The following MRGPRE variants were observed in gnomAD, a reference collection of about 807,000 sequenced individuals.
MRGPRE encodes the protein mas-related G protein-coupled receptor member E.
For missense variants in MRGPRE, 466 were observed against 433.4 expected (o/e 1.08, Z -0.67); for synonymous variants, 229 against 206.7 (o/e 1.11, Z -0.92).
chr11:3,231,205 C>T lies in MRGPRE; in HGVS notation c.-62+936G>A, dbSNP rs1035116092. On this transcript the variant is annotated intron_variant, in intron 1 of 1. Coordinates refer to ENST00000389832, the MANE Select transcript of MRGPRE (RefSeq NM_001039165.4). The surrounding 1 kb of genome is among the most constrained non-coding windows in gnomAD (Gnocchi z 4.7). ...ACCTCCTGCATGGCTGAGGAGGACA[C>T]GGGCCTCATGGGTGGGCCCCAGGGA... 3.3e-5 allele frequency among the ~76,000 whole-genome samples: 5 copies of T among 152,158 alleles called. No homozygotes were observed. The highest frequency in any genetic ancestry group is 1.9e-4 in the East Asian group (1 of 5,142).
rs1439046067 is a variant in MRGPRE at position 3,225,315 on chromosome 11, C to T, written c.*2546G>A. Among the ~76,000 whole-genome samples, 1 of 152,234 alleles carries T rather than the reference C, an allele frequency of 6.6e-6. No homozygotes were observed. The highest frequency in any genetic ancestry group is 1.5e-5 in the Non-Finnish European group (1 of 68,034). On this transcript the variant is annotated 3_prime_UTR_variant, in exon 2 of 2. Coordinates refer to ENST00000389832, the MANE Select transcript of MRGPRE (RefSeq NM_001039165.4). ...CTGCCCCCAGGAGTAGCCGCCTGTTCTTGGGAATTCTGTGCTGACCGCGGC... is the reference window on the plus strand; with the variant it reads ...CTGCCCCCAGGAGTAGCCGCCTGTTTTTGGGAATTCTGTGCTGACCGCGGC...
chr11:3,228,854 G>T lies in MRGPRE; in HGVS notation c.-55C>A. ...GTGTGTTCTGCTCGCTCTCTCTCCT[G>T]ATGCCCCTGTAAACCACAACAGTTG... On this transcript the variant is annotated 5_prime_UTR_variant, in exon 2 of 2. Transcript: ENST00000389832. 7.1e-7 allele frequency: 1 copy of T among 1,418,278 alleles called. No homozygotes were observed. The highest frequency in any genetic ancestry group is 9.6e-7 in the Non-Finnish European group (1 of 1,039,842). The allele number at this position is 1,418,278 out of a possible 1,614,324, so 87.9% of individuals were successfully genotyped here.
chr11:3,227,240 T>C lies in MRGPRE; in HGVS notation c.*621A>G, dbSNP rs2134628626. On this transcript the variant is annotated 3_prime_UTR_variant, in exon 2 of 2. Coordinates refer to ENST00000389832, the MANE Select transcript of MRGPRE (RefSeq NM_001039165.4). ...GGGACACCCATGGGGCCGGCTTTTC[T>C]GAAGCTCCGAGTGAGGGTTGCATCG... 6.6e-6 allele frequency among the ~76,000 whole-genome samples: 1 copy of C among 152,280 alleles called. No homozygotes were observed. Among genetic ancestry groups the C allele is most frequent in the South Asian group, 2.1e-4 (1 of 4,820 alleles).
chr11:3,232,307 A>C lies in MRGPRE; in HGVS notation c.-228T>G, dbSNP rs1037471418. 6.6e-6 allele frequency: 1 copy of C among 152,402 alleles called. No homozygotes were observed. The highest frequency in any genetic ancestry group is 2.4e-5 in the African/African-American group (1 of 41,460). The allele number at this position is 152,402 out of a possible 1,614,324, so 9.4% of individuals were successfully genotyped here. ...GCATCCAGCTGGAATGGGGCCGGTC[A>C]GGAAGGTGTCTCTCTGAGGACCCCT... is the stretch of plus-strand genomic sequence containing the variant. On this transcript the variant is annotated 5_prime_UTR_variant, in exon 1 of 2. Coordinates refer to ENST00000389832, the MANE Select transcript of MRGPRE (RefSeq NM_001039165.4).
In MRGPRE at chr11:3,227,925, T is replaced by G; in HGVS notation, c.875A>C (p.Asp292Ala). Residue 292 changes from aspartate (D) to alanine (A), a missense_variant, in exon 2 of 2, where the codon GAC (aspartate) becomes GCC (alanine). Coordinates refer to ENST00000389832, the MANE Select transcript of MRGPRE (RefSeq NM_001039165.4). ...LRLVLQRALGDEAELGAVRET... is the reference protein window; with the variant it reads ...LRLVLQRALGAEAELGAVRET... ...CCTGACGGCCCCCAGCTCAGCCTCG[T>G]CTCCCAGCGCTCGCTGGAGGACCAG... The G allele has an allele frequency of 6.6e-7, 1 of 1,509,564 alleles. No homozygotes were observed. Among genetic ancestry groups the G allele is most frequent in the Non-Finnish European group, 8.9e-7 (1 of 1,125,198 alleles). 93.5% of individuals were successfully genotyped at this position (1,509,564 alleles called of 1,614,324 possible).
In MRGPRE at chr11:3,230,453, G is replaced by T. The variant is rs1247738601; in HGVS notation, c.-61-1593C>A. 1.3e-5 allele frequency among the ~76,000 whole-genome samples: 2 copies of T among 152,216 alleles called. No homozygotes were observed. The highest frequency in any genetic ancestry group is 4.8e-5 in the African/African-American group (2 of 41,450). On this transcript the variant is annotated intron_variant, in intron 1 of 1. Coordinates refer to ENST00000389832, the MANE Select transcript of MRGPRE (RefSeq NM_001039165.4). This position sits in a 1 kb window ranked among gnomAD's most constrained non-coding sequence, Gnocchi z 5.5. ...AGGAGCACCCGAGACCATGCAGGGG[G>T]ACGCTGCGGTGCTGGGATGCTGGGG...
rs1340492952 is a variant in MRGPRE, at chr11:3,226,755, A to C, written c.*1106T>G. Among the ~76,000 whole-genome samples, 1 of 152,246 alleles carries C rather than the reference A, an allele frequency of 6.6e-6. No homozygotes were observed. The highest frequency in any genetic ancestry group is 1.5e-5 in the Non-Finnish European group (1 of 68,046). ...GACTTGGATGTGTGGCGTTGGTGGC[A>C]GTAGAATCGACAGACATTTCTCTTG... On this transcript the variant is annotated 3_prime_UTR_variant, in exon 2 of 2. Transcript: ENST00000389832.
In MRGPRE at chr11:3,230,099, G is replaced by A. The variant is rs563724468; in HGVS notation, c.-61-1239C>T. On this transcript the variant is annotated intron_variant, in intron 1 of 1. Transcript: ENST00000389832. This position sits in a 1 kb window ranked among gnomAD's most constrained non-coding sequence, Gnocchi z 5.5. ...AGACTGCCAGGTGCTCAGAGCCGGA[G>A]ACATGCCTGCAGATACCCGGCCCCA... Among the ~76,000 whole-genome samples, 1 of 152,294 alleles carries A rather than the reference G, an allele frequency of 6.6e-6. No homozygotes were observed. The highest frequency in any genetic ancestry group is 2.1e-4 in the South Asian group (1 of 4,822).
Position 3,230,107 on chromosome 11 carries a change from T to A in MRGPRE, c.-61-1247A>T, listed in dbSNP as rs1256615738. On this transcript the variant is annotated intron_variant, in intron 1 of 1. Coordinates refer to ENST00000389832, the MANE Select transcript of MRGPRE (RefSeq NM_001039165.4). This position sits in a 1 kb window ranked among gnomAD's most constrained non-coding sequence, Gnocchi z 5.5. Reference sequence around the variant, plus strand: ...AGGTGCTCAGAGCCGGAGACATGCCTGCAGATACCCGGCCCCATGCTGCCC... The same window carrying A: ...AGGTGCTCAGAGCCGGAGACATGCCAGCAGATACCCGGCCCCATGCTGCCC... Among the ~76,000 whole-genome samples the A allele has an allele frequency of 6.6e-6, 1 of 152,126 alleles. No individual in the cohort carries two copies. The highest frequency in any genetic ancestry group is 1.5e-5 in the Non-Finnish European group (1 of 68,016).
In MRGPRE at chr11:3,228,112, C is replaced by T. The variant is rs771099077; in HGVS notation, c.688G>A (p.Gly230Ser). The T allele has an allele frequency of 7.5e-6, 12 of 1,595,780 alleles. No individual in the cohort carries two copies. Among genetic ancestry groups the T allele is most frequent in the South Asian group, 1.1e-5 (1 of 88,128 alleles). The change falls in exon 2 of 2, where the codon GGC becomes AGC. Residue 230 changes from glycine (G) to serine (S), a missense_variant. Gly to Ser is a moderately conservative substitution (Grantham distance 56). Coordinates refer to ENST00000389832, the MANE Select transcript of MRGPRE (RefSeq NM_001039165.4). The stretch of plus-strand genomic sequence containing the variant: ...AGCCAGTAGATGCCGAAGGGCAGGC[C>T]GCAGAAGAGGAAGAGGAGGACGGTG... The part of the protein sequence containing the change: ...LLTVLLFLFC[G>S]LPFGIYWLSR...
At position 3,228,597 on chromosome 11, in the gene MRGPRE, G is replaced by C. The variant is rs200110994; in HGVS notation, c.203C>G (p.Ala68Gly). 2.5e-6 allele frequency: 4 copies of C among 1,613,878 alleles called. No individual in the cohort carries two copies. In the South Asian group the frequency reaches 3.3e-5, roughly 13 times the overall value. ...GTGGCAGCCAAGGAAGATGAGATCC[G>C]CGCAGGCCACGTCCAGGAGGTAGAT... ...FAIYLLDVAC[A>G]DLIFLGCHMV... is the part of the protein sequence containing the mutation. Residue 68 changes from alanine (A) to glycine (G), a missense_variant, in exon 2 of 2, where the codon GCG becomes GGG. Physicochemically the swap from Ala to Gly is moderately conservative, Grantham distance 60. Coordinates refer to ENST00000389832, the MANE Select transcript of MRGPRE (RefSeq NM_001039165.4).
rs992313381 is a variant in MRGPRE, at chr11:3,231,927, C to G, written c.-62+214G>C. On this transcript the variant is annotated intron_variant, in intron 1 of 1. Coordinates refer to ENST00000389832, the MANE Select transcript of MRGPRE (RefSeq NM_001039165.4). This position sits in a 1 kb window ranked among gnomAD's most constrained non-coding sequence, Gnocchi z 4.7. ...GGGAGCCATCACCCAAGCTATCGTC[C>G]TCTTCCAGACTCAGCCCAGGGCTGG... is the stretch of plus-strand genomic sequence containing the variant. Among the ~76,000 whole-genome samples, 1 of 152,100 alleles carries G rather than the reference C, an allele frequency of 6.6e-6. No homozygotes were observed. Among genetic ancestry groups the G allele is most frequent in the Non-Finnish European group, 1.5e-5 (1 of 67,986 alleles).
rs1847822147 is a variant in MRGPRE, at chr11:3,230,915, G to A, written c.-62+1226C>T. Reference sequence around the variant, plus strand: ...CAGACGGGGCATCACTGCCATGGCAGGTGGGGAGATGTGGGGAGGGGGACA... The same window carrying A: ...CAGACGGGGCATCACTGCCATGGCAAGTGGGGAGATGTGGGGAGGGGGACA... On this transcript the variant is annotated intron_variant, in intron 1 of 1. Coordinates refer to ENST00000389832, the MANE Select transcript of MRGPRE (RefSeq NM_001039165.4). This position sits in a 1 kb window ranked among gnomAD's most constrained non-coding sequence, Gnocchi z 5.5. 6.6e-6 allele frequency among the ~76,000 whole-genome samples: 1 copy of A among 152,098 alleles called. No homozygotes were observed. The highest frequency in any genetic ancestry group is 1.5e-5 in the Non-Finnish European group (1 of 68,004).
intron 1 of MRGPRE, 49 bp from the exon 2 acceptor site, chr11:3,228,909 G>A: frequency 3.5e-6 from 3 of 855,402 alleles, no homozygotes; most frequent in Non-Finnish European, 3.6e-6. Flanking sequence ...CATGCCCCCT[G>A]CTCCTCCCCA....
rs76136953 is a variant in MRGPRE at position 3,228,187 on chromosome 11, G to C, written c.613C>G (p.Arg205Gly). The change falls in exon 2 of 2, where the codon CGA (arginine) becomes GGA (glycine). Residue 205 changes from arginine (R) to glycine (G), a missense_variant. Transcript: ENST00000389832. The part of the protein sequence containing the change: ...ASLMLLLRVE[R>G]GPQRPPPRGF... ...CGGGGTGGGGGCCGCTGGGGGCCTC[G>C]CTCCACCCGCAGCAGCAGCATAAGG... 1.3e-6 allele frequency: 2 copies of C among 1,562,326 alleles called. No individual in the cohort carries two copies. The highest frequency in any genetic ancestry group is 1.2e-5 in the South Asian group (1 of 85,182).
In MRGPRE at chr11:3,230,351, A is replaced by T. The variant is rs1469508842; in HGVS notation, c.-61-1491T>A. 6.6e-6 allele frequency among the ~76,000 whole-genome samples: 1 copy of T among 151,258 alleles called. No individual in the cohort carries two copies. The highest frequency in any genetic ancestry group is 6.6e-5 in the Admixed American group (1 of 15,218). On this transcript the variant is annotated intron_variant, in intron 1 of 1. Transcript: ENST00000389832. This position sits in a 1 kb window ranked among gnomAD's most constrained non-coding sequence, Gnocchi z 5.5. Reference sequence around the variant, plus strand: ...GAGGAGGGTGGGGGTACAAGCAGAAACCCCCATAGCTGGTCTTAGCGGCTT... The same window carrying T: ...GAGGAGGGTGGGGGTACAAGCAGAATCCCCCATAGCTGGTCTTAGCGGCTT...
At position 3,228,239 on chromosome 11, in the gene MRGPRE, C is replaced by G; in HGVS notation, c.561G>C (p.Leu187=). 6.4e-7 allele frequency: 1 copy of G among 1,552,592 alleles called. No individual in the cohort carries two copies. Among genetic ancestry groups the G allele is most frequent in the African/African-American group, 1.4e-5 (1 of 73,492 alleles). ...LWLVAAVLLA[L]LCCTMCGASL... ...TGGCCCCACACATGGTGCAACACAG[C>G]AGAGCCAGCAGCACCGCTGCCACCA... Residue 187 remains leucine (L), a synonymous_variant, in exon 2 of 2, where the codon CTG becomes CTC. Transcript: ENST00000389832.
In MRGPRE at chr11:3,226,550, G is replaced by A. The variant is rs79445984; in HGVS notation, c.*1311C>T. On this transcript the variant is annotated 3_prime_UTR_variant, in exon 2 of 2. Coordinates refer to ENST00000389832, the MANE Select transcript of MRGPRE (RefSeq NM_001039165.4). ...GCACTGTGTGGGCTGGGAGGGGCCC[G>A]GTGCAGCCGGATTCCAGGGTGCTGA... 0.035 allele frequency: 5,294 copies of A among 152,472 alleles called. 118 individuals carry two copies. Among genetic ancestry groups the A allele is most frequent in the East Asian group, 0.059 (304 of 5,180 alleles). The allele number at this position is 152,472 out of a possible 1,614,324, so 9.4% of individuals were successfully genotyped here.
At position 3,232,173 on chromosome 11, in the gene MRGPRE, T is replaced by C. The variant is rs1847839762; in HGVS notation, c.-94A>G. 6.6e-6 allele frequency: 1 copy of C among 152,414 alleles called. No individual in the cohort carries two copies. Among genetic ancestry groups the C allele is most frequent in the Admixed American group, 6.5e-5 (1 of 15,282 alleles). 9.4% of individuals were successfully genotyped at this position (152,414 alleles called of 1,614,324 possible). A position where few individuals can be genotyped will look rare whatever the true frequency, so the allele number is the denominator to read the frequency against. On this transcript the variant is annotated 5_prime_UTR_variant, in exon 1 of 2. Coordinates refer to ENST00000389832, the MANE Select transcript of MRGPRE (RefSeq NM_001039165.4). ...GGCAGAGGACTGGCCGAGCCCTGCC[T>C]GCTCTGACCCTGGGCCTTGGATCTA... is the stretch of plus-strand genomic sequence containing the variant.
Sources: gnomAD v4.1 joint callset for allele counts (sites outside exome capture counted in the v4.1 genomes callset) on GRCh38, gnomAD v4.1.1 for gene constraint, Gnocchi (gnomAD v3.1) non-coding constraint, MANE v1.5 for transcripts, NCBI Gene and HGNC (gene_info 2026-07-23, HGNC 2026-07-21) for gene names.